Variants in TAFA1 observed in about 807,000 individuals in gnomAD.
TAFA1 encodes chemokine-like protein TAFA-1.
A neutral mutation model predicts 18.5 loss-of-function variants in TAFA1; 4 were observed. The ratio of observed to expected loss-of-function variants is 0.22; its 90% CI spans 0.11 to 0.49. TAFA1 has a LOEUF of 0.49. TAFA1 is among the 20% of genes least tolerant of loss of function. The pLI is 0.98. For missense variants in TAFA1, 147 were observed against 169.0 expected (o/e 0.87, Z 0.72); for synonymous variants, 56 against 55.2 (o/e 1.01, Z -0.06).
At chr3:68,099,954 A>G (rs562108946) in intron 2 of TAFA1, among the ~76,000 whole-genome samples, 1 of 152,056 alleles carries the variant, frequency 6.6e-6, no homozygotes, top group Non-Finnish European at 1.5e-5. Context: ...CATTAGGTAC[A>G]CATGGACATA....
chr3:68,156,757 G>T (rs2065872045), intron 2 of TAFA1, among the ~76,000 whole-genome samples: 2 of 127,068 alleles, frequency 1.6e-5, no homozygotes, highest in Admixed American at 1.8e-4. Context: ...AATTTACTGA[G>T]TATGTGTTCT....
rs78774335 is a variant in TAFA1 at position 68,286,765 on chromosome 3, A to G, written c.119-130515A>G. Among the ~76,000 whole-genome samples the G allele has an allele frequency of 0.011, 1,642 of 152,280 alleles. 91 individuals are homozygous for G. In the East Asian group the frequency reaches 0.17, roughly 15 times the overall value. On this transcript the variant is annotated intron_variant, in intron 2 of 4. Coordinates refer to ENST00000478136, the MANE Select transcript of TAFA1 (RefSeq NM_213609.4). ...CAAGCACAAGGTTGTAGTAATAGAG[A>G]ATAATCAAGATACAGAGTATTCACT...
At chr3:68,525,104 T>G (rs909402482) in intron 3 of TAFA1, among the ~76,000 whole-genome samples, 1 of 152,194 alleles carries the variant, frequency 6.6e-6, no homozygotes, top group African/African-American at 2.4e-5. Context: ...GATGTTGAAC[T>G]TTTTGCAAAC....
intron 2 of TAFA1, among the ~76,000 whole-genome samples, chr3:68,278,969 A>C (rs1014323451): frequency 1.3e-5 from 2 of 152,178 alleles, no homozygotes; most frequent in South Asian, 2.1e-4. Context: ...GCAGATTTTC[A>C]TTCAGTAGGT....
intron 2 of TAFA1, among the ~76,000 whole-genome samples, chr3:68,364,937 A>C (rs1341384530): frequency 1.3e-5 from 2 of 152,138 alleles, no homozygotes; most frequent in African/African-American, 4.8e-5. Context: ...CAGGGATTTG[A>C]ACCTAAACAT....
chr3:68,232,090 G>C (rs2066878989), intron 2 of TAFA1, among the ~76,000 whole-genome samples: 1 of 152,044 alleles, frequency 6.6e-6, no homozygotes, highest in South Asian at 2.1e-4. Context: ...CTCTCTTCTA[G>C]ATACTTGAAA....
intron 3 of TAFA1, among the ~76,000 whole-genome samples, chr3:68,476,797 C>A (rs2072105806): frequency 6.6e-6 from 1 of 151,968 alleles, no homozygotes; most frequent in Non-Finnish European, 1.5e-5. Context: ...AATTTTTATA[C>A]CAATATTAGT....
chr3:68,348,673 C>G (rs1325315803), intron 2 of TAFA1, among the ~76,000 whole-genome samples: 2 of 152,108 alleles, frequency 1.3e-5, no homozygotes, highest in Middle Eastern at 3.2e-3. Flanking sequence ...CAAAGGGCTT[C>G]CAACTTGCTA....
intron 3 of TAFA1, among the ~76,000 whole-genome samples, chr3:68,439,412 C>CATACATACATATATATATATAT (rs1264523262): frequency 1.4e-5 from 1 of 73,460 alleles, no homozygotes; most frequent in African/African-American, 7.1e-5. Flanking sequence ...TATATACATA[C>CATACATACATATATATATATAT]ATATATATAT....
At chr3:68,217,747 A>G (rs1433846328) in intron 2 of TAFA1, among the ~76,000 whole-genome samples, 1 of 152,034 alleles carries the variant, frequency 6.6e-6, no homozygotes, top group Non-Finnish European at 1.5e-5. Flanking sequence ...GAGGGTTAGT[A>G]TGACAATTAA....
chr3:68,443,675 G>T (rs1200765434), intron 3 of TAFA1, among the ~76,000 whole-genome samples: 1 of 151,998 alleles, frequency 6.6e-6, no homozygotes, highest in Non-Finnish European at 1.5e-5. Context: ...CAAGAACAGT[G>T]CAGGAAAGAC....
At chr3:68,276,261 C>T (rs183375565) in intron 2 of TAFA1, among the ~76,000 whole-genome samples, 3 of 152,192 alleles carry the variant, frequency 2.0e-5, no homozygotes, top group African/African-American at 4.8e-5. Flanking sequence ...CGCTTCTCAA[C>T]GTCAGTGCTA....
intron 2 of TAFA1, among the ~76,000 whole-genome samples, chr3:68,338,162 G>A (rs1170066907): frequency 6.6e-6 from 1 of 152,154 alleles, no homozygotes; most frequent in Non-Finnish European, 1.5e-5. Context: ...CTTGGATGAG[G>A]CCATGCTTTA....
intron 2 of TAFA1, among the ~76,000 whole-genome samples, chr3:68,335,989 G>C (rs542426421): frequency 6.6e-6 from 1 of 150,686 alleles, no homozygotes; most frequent in South Asian, 2.2e-4. Context: ...TACTGAGTTG[G>C]AAAAGTGGCA....
intron 2 of TAFA1, among the ~76,000 whole-genome samples, chr3:68,350,432 C>A (rs2069245494): frequency 6.6e-6 from 1 of 152,030 alleles, no homozygotes; most frequent in South Asian, 2.1e-4. Context: ...GGACTTTTTG[C>A]AGTAGAATCA....
intron 2 of TAFA1, among the ~76,000 whole-genome samples, chr3:68,327,144 G>T (rs2068789198): frequency 6.6e-6 from 1 of 152,148 alleles, no homozygotes; most frequent in Admixed American, 6.6e-5. Context: ...GACATGTCTT[G>T]CTTCCCCTTC....
intron 2 of TAFA1, among the ~76,000 whole-genome samples, chr3:68,232,613 G>T (rs982530174): frequency 2.1e-4 from 31 of 151,010 alleles, no homozygotes; most frequent in South Asian, 6.3e-4. Flanking sequence ...TTTTTAGTGG[G>T]TTTTTTTTTC....
At chr3:68,145,362 TG>T (rs2065726043) in intron 2 of TAFA1, 1 of 815,978 alleles carries the variant, frequency 1.2e-6, no homozygotes, top group South Asian at 1.3e-5. Flanking sequence ...ACCTTTGCCC[TG>T]GTCTCTCAAG....
chr3:68,290,898 TAA>T (rs199858808), intron 2 of TAFA1, among the ~76,000 whole-genome samples: 2,040 of 147,060 alleles, frequency 0.014, 55 homozygotes, highest in East Asian at 0.096. Context: ...ATCCTTTTCT[TAA>T]AAAAAAAAAA....
Sources: allele counts gnomAD v4.1 joint callset (sites outside exome capture counted in the v4.1 genomes callset), GRCh38; gene constraint gnomAD v4.1.1; transcripts MANE v1.5; gene names NCBI Gene and HGNC (gene_info 2026-07-23, HGNC 2026-07-21).